FBXL13: variants seen among roughly 807,000 people sequenced by gnomAD.
FBXL13 encodes the protein F-box and leucine-rich repeat protein 13.
A neutral mutation model predicts 83.6 loss-of-function variants in FBXL13; 67 were observed. The ratio of observed to expected loss-of-function variants is 0.80; its 90% CI spans 0.66 to 0.98. FBXL13 has a LOEUF of 0.98. Among genes scored for constraint, FBXL13 ranks in the 50% least tolerant of loss-of-function variants. The probability of loss-of-function intolerance (pLI) is 0.00; values close to 1 mark genes in which losing one functional copy is unlikely to be tolerated. For missense variants in FBXL13, 822 were observed against 866.5 expected, an observed-to-expected ratio of 0.95 and a Z score of 0.64; for synonymous variants, 272 against 299.5, an observed-to-expected ratio of 0.91 and a Z score of 0.95.
intron 14 of FBXL13, among the ~76,000 whole-genome samples, chr7:102,879,997 C>T (rs148432794): frequency 1.3e-5 from 2 of 152,254 alleles, no homozygotes; most frequent in Non-Finnish European, 2.9e-5. Flanking sequence ...TGAGCCACCA[C>T]GCCCGACGGG....
chr7:103,028,572 A>C, intron 4 of FBXL13, 28 bp downstream of exon 5: 3 of 1,465,994 alleles, frequency 2.0e-6, no homozygotes, highest in Non-Finnish European at 2.7e-6. Context: ...TGGATACAAA[A>C]AGTAATTGCT....
At chr7:102,828,730 G>T (rs1412421431) in intron 18 of FBXL13, among the ~76,000 whole-genome samples, 1 of 152,066 alleles carries the variant, frequency 6.6e-6, no homozygotes, top group Non-Finnish European at 1.5e-5. Flanking sequence ...GAACTTTTTG[G>T]GTAAAATGTT....
At chr7:103,019,796 A>G (rs1357465426) in intron 6 of FBXL13, among the ~76,000 whole-genome samples, 1 of 152,206 alleles carries the variant, frequency 6.6e-6, no homozygotes, top group East Asian at 1.9e-4. Flanking sequence ...CCCTGAATAG[A>G]CCAATAACAG....
Position 102,964,390 on chromosome 7 carries a change from C to CTATA in FBXL13, c.592-729_592-726dup, listed in dbSNP as rs371731702. On this transcript the variant is annotated intron_variant, in intron 7 of 19. Transcript: ENST00000313221. ...TCCATAACTCCACACAATTTTGTGA[C>CTATA]TATATATATATATATTTTTTTTTTT... Among the ~76,000 whole-genome samples the CTATA allele has an allele frequency of 1.4e-3, 199 of 140,460 alleles. 1 individual carries two copies. Among genetic ancestry groups the CTATA allele is most frequent in the African/African-American group, 3.2e-3 (119 of 36,662 alleles). 92.1% of individuals were successfully genotyped at this position (140,460 alleles called of 152,430 possible). A position where few individuals can be genotyped will look rare whatever the true frequency, so the allele number is the denominator to read the frequency against.
At chr7:102,894,313 G>A (rs1406553468) in intron 11 of FBXL13, among the ~76,000 whole-genome samples, 1 of 152,188 alleles carries the variant, frequency 6.6e-6, no homozygotes, top group African/African-American at 2.4e-5. Context: ...AGATTTAACA[G>A]TACAAGAACT....
At chr7:102,862,544 C>G (rs766011815) in intron 16 of FBXL13, among the ~76,000 whole-genome samples, 7 of 152,090 alleles carry the variant, frequency 4.6e-5, no homozygotes, top group Non-Finnish European at 7.4e-5. Flanking sequence ...TTTCTTTATA[C>G]AAAGCAACAC....
intron 16 of FBXL13, among the ~76,000 whole-genome samples, chr7:102,870,931 T>G (rs371990560): frequency 2.6e-5 from 4 of 152,136 alleles, no homozygotes; most frequent in African/African-American, 7.2e-5. Context: ...AAATTTTTCT[T>G]TCTTTAATTC....
chr7:102,843,275 C>T (rs1265488490), intron 17 of FBXL13, among the ~76,000 whole-genome samples: 3 of 152,076 alleles, frequency 2.0e-5, no homozygotes, highest in Admixed American at 2.0e-4. Context: ...GAAACCCCGT[C>T]TCTACTAAAA....
intron 2 of FBXL13, among the ~76,000 whole-genome samples, chr7:103,041,365 G>T (rs544294888): frequency 6.6e-6 from 1 of 152,064 alleles, no homozygotes; most frequent in Non-Finnish European, 1.5e-5. Flanking sequence ...AGGACCAGAC[G>T]GATTCACAGC....
chr7:102,964,311 A>AG (rs1042584950), intron 7 of FBXL13, among the ~76,000 whole-genome samples: 18 of 39,024 alleles, frequency 4.6e-4, no homozygotes, highest in Middle Eastern at 0.036. Flanking sequence ...ACTCCAACTC[A>AG]AAAAAAAAAT....
At chr7:102,870,242 C>T (rs912255443) in intron 16 of FBXL13, among the ~76,000 whole-genome samples, 1 of 152,076 alleles carries the variant, frequency 6.6e-6, no homozygotes, top group African/African-American at 2.4e-5. Flanking sequence ...TGTAATGTGG[C>T]AGAGATAATA....
At chr7:102,855,891 C>G (rs1805980029) in intron 16 of FBXL13, among the ~76,000 whole-genome samples, 1 of 147,208 alleles carries the variant, frequency 6.8e-6, no homozygotes, top group Non-Finnish European at 1.5e-5. Flanking sequence ...CAGATTGGGC[C>G]TTCTCATAAA....
At chr7:102,939,379 G>A (rs79688042) in intron 8 of FBXL13, 116,115 of 1,497,284 alleles carry the variant, frequency 0.078, 4,952 homozygotes, top group South Asian at 0.14. Flanking sequence ...GGTGACCGAG[G>A]AAATGGGGGC....
chr7:102,871,426 C>G (rs1159057305), intron 16 of FBXL13, among the ~76,000 whole-genome samples: 1 of 151,858 alleles, frequency 6.6e-6, no homozygotes. Context: ...CACTTTGTCA[C>G]CCAGGCTGGA....
chr7:103,053,564 G>A (rs891039146), intron 2 of FBXL13, among the ~76,000 whole-genome samples: 4 of 152,164 alleles, frequency 2.6e-5, no homozygotes, highest in Non-Finnish European at 4.4e-5. Context: ...GGTTTACCAC[G>A]CTAAATCAGT....
intron 8 of FBXL13, chr7:102,934,029 G>C (rs141714405): frequency 8.4e-5 from 136 of 1,613,952 alleles, no homozygotes; most frequent in Non-Finnish European, 1.1e-4. Flanking sequence ...GGTGGAGGCC[G>C]GAGAGGCTCC....
chr7:102,898,765 T>A (rs1328072176), intron 11 of FBXL13, among the ~76,000 whole-genome samples: 1 of 152,146 alleles, frequency 6.6e-6, no homozygotes, highest in African/African-American at 2.4e-5. Flanking sequence ...AAGCAACAAA[T>A]TCAGATACAT....
At chr7:102,861,460 G>T (rs1356762440) in intron 16 of FBXL13, among the ~76,000 whole-genome samples, 1 of 152,026 alleles carries the variant, frequency 6.6e-6, no homozygotes, top group African/African-American at 2.4e-5. Context: ...ATCCCATTGG[G>T]AGGCACATAT....
intron 19 of FBXL13, among the ~76,000 whole-genome samples, chr7:102,818,732 G>A (rs1480810137): frequency 6.6e-6 from 1 of 152,034 alleles, no homozygotes; most frequent in Non-Finnish European, 1.5e-5. Context: ...TAGAATTGAA[G>A]GTTTTGGGCT....
Sources: allele counts gnomAD v4.1 joint callset (sites outside exome capture counted in the v4.1 genomes callset), GRCh38; gene constraint gnomAD v4.1.1; transcripts MANE v1.5; gene names NCBI Gene and HGNC (gene_info 2026-07-23, HGNC 2026-07-21).